Variants in ZNF567 observed in about 807,000 individuals in gnomAD.
ZNF567 encodes the protein zinc finger protein 567.
ZNF567 carries 36 observed loss-of-function variants against 53.9 expected under a neutral mutation model. That is an observed-to-expected ratio of 0.67 (90% CI 0.51 to 0.88). The LOEUF (loss-of-function observed/expected upper bound fraction) is 0.88. ZNF567 is among the 40% of genes least tolerant of loss of function. The probability of loss-of-function intolerance (pLI) is 0.00; values close to 1 mark genes in which losing one functional copy is unlikely to be tolerated. For synonymous variants in ZNF567, 224 were observed against 260.4 expected, an observed-to-expected ratio of 0.86 and a Z score of 1.35; for missense variants, 619 against 764.7, an observed-to-expected ratio of 0.81 and a Z score of 2.25.
the ZNF567 span, among the ~76,000 whole-genome samples, chr19:36,673,290 T>G: frequency 6.6e-6 from 1 of 152,196 alleles, no homozygotes; most frequent in African/African-American, 2.4e-5. Flanking sequence ...GGGTACCAAG[T>G]CGACAAGGGT....
At chr19:36,710,110 G>T (rs571474262) in intron 3 of ZNF567, among the ~76,000 whole-genome samples, 1 of 152,120 alleles carries the variant, frequency 6.6e-6, no homozygotes, top group Non-Finnish European at 1.5e-5. Context: ...ATCTTTGTGA[G>T]TCTGTTCATT....
chr19:36,676,210 C>T, the ZNF567 span, among the ~76,000 whole-genome samples: 1 of 151,318 alleles, frequency 6.6e-6, no homozygotes, highest in African/African-American at 2.4e-5. Context: ...GGATTACAGG[C>T]ACCTGCCACC....
chr19:36,683,220 A>T (rs1197916968), upstream of ZNF567, among the ~76,000 whole-genome samples: 1 of 150,806 alleles, frequency 6.6e-6, no homozygotes, highest in Admixed American at 6.6e-5. Context: ...CTACAGGTGC[A>T]CCACCACACC....
intron 5 of ZNF567, among the ~76,000 whole-genome samples, chr19:36,715,900 T>A (rs890387944): frequency 1.3e-5 from 2 of 152,196 alleles, no homozygotes; most frequent in African/African-American, 4.8e-5. Context: ...TTCTTATGGA[T>A]CTCTTCACAA....
At chr19:36,678,143 G>A in the ZNF567 span, among the ~76,000 whole-genome samples, 2 of 152,182 alleles carry the variant, frequency 1.3e-5, no homozygotes, top group South Asian at 4.1e-4. Context: ...TCAAAGAAGA[G>A]GGAAGCCATT....
At chr19:36,702,636 T>G (rs2145714300) in intron 3 of ZNF567, among the ~76,000 whole-genome samples, 1 of 152,284 alleles carries the variant, frequency 6.6e-6, no homozygotes, top group Non-Finnish European at 1.5e-5. Context: ...TTTTATTCTT[T>G]TTTCTCTAAA....
chr19:36,698,900 T>G (rs1460195899), intron 3 of ZNF567, among the ~76,000 whole-genome samples: 1 of 152,200 alleles, frequency 6.6e-6, no homozygotes. Flanking sequence ...TAGTTTCTTT[T>G]GCTATGCAGA....
At chr19:36,671,521 C>A in the ZNF567 span, among the ~76,000 whole-genome samples, 1 of 152,200 alleles carries the variant, frequency 6.6e-6, no homozygotes, top group African/African-American at 2.4e-5. Context: ...AACTCCCCAA[C>A]AGGACCAGGC....
At chr19:36,679,856 T>G in the ZNF567 span, among the ~76,000 whole-genome samples, 3 of 152,092 alleles carry the variant, frequency 2.0e-5, no homozygotes. Flanking sequence ...AAAGGGGAAA[T>G]GCTGGTTAAC....
downstream of ZNF567, among the ~76,000 whole-genome samples, chr19:36,725,711 T>C (rs1157070983): frequency 6.6e-6 from 1 of 152,276 alleles, no homozygotes; most frequent in Non-Finnish European, 1.5e-5. Flanking sequence ...TGCAGTGGCA[T>C]GATCACAGCT....
intron 3 of ZNF567, among the ~76,000 whole-genome samples, chr19:36,696,445 C>A (rs1451096495): frequency 6.6e-6 from 1 of 152,232 alleles, no homozygotes; most frequent in Admixed American, 6.5e-5. Context: ...TCGCCACCTA[C>A]ATGTTCCGCA....
chr19:36,717,720 G>C (rs969988872), intron 5 of ZNF567, among the ~76,000 whole-genome samples: 1 of 152,134 alleles, frequency 6.6e-6, no homozygotes, highest in Non-Finnish European at 1.5e-5. Flanking sequence ...GTTAGAAATA[G>C]CTATACTTTT....
At chr19:36,723,233 A>G (rs752456271), downstream of ZNF567, 8 of 702,892 alleles carry the variant, frequency 1.1e-5, no homozygotes, top group South Asian at 1.2e-4. Flanking sequence ...GCGTCAACCC[A>G]CCAAAGATTT....
At chr19:36,718,887 T>C (rs2040187472) in intron 5 of ZNF567, 61 bp from the exon 6 acceptor site, 7 of 1,389,702 alleles carry the variant, frequency 5.0e-6, no homozygotes, top group South Asian at 1.5e-5. Flanking sequence ...CCTAGTAAAA[T>C]TTCTTTGCAT....
chr19:36,707,065 A>C (rs1379601231), intron 3 of ZNF567, among the ~76,000 whole-genome samples: 1 of 152,078 alleles, frequency 6.6e-6, no homozygotes, highest in African/African-American at 2.4e-5. Context: ...CTTATCTTTT[A>C]ATTGGAGTTT....
chr19:36,698,961 A>G (rs55965207), intron 3 of ZNF567, among the ~76,000 whole-genome samples: 46,990 of 151,944 alleles, frequency 0.31, 7,650 homozygotes, highest in East Asian at 0.57. Context: ...TTTTGTTGCC[A>G]TTGCTTTTGG....
intron 3 of ZNF567, among the ~76,000 whole-genome samples, chr19:36,695,116 A>T (rs3108563): frequency 0.67 from 101,485 of 151,146 alleles, 34,363 homozygotes; most frequent in East Asian, 0.82. Flanking sequence ...CTCACACCTT[A>T]ACAGCACTTC....
chr19:36,678,497 A>G, the ZNF567 span, among the ~76,000 whole-genome samples: 1 of 152,178 alleles, frequency 6.6e-6, no homozygotes, highest in Admixed American at 6.5e-5. Context: ...CATATATTGG[A>G]TAAGGGGCTA....
rs761311287 is a variant in ZNF567, at chr19:36,712,532, A to G, written c.136+20A>G. On this transcript the variant is annotated intron_variant, in intron 4 of 5. Coordinates refer to ENST00000682579, the MANE Select transcript of ZNF567 (RefSeq NM_001322917.1). ...CTGTGGGTAAGAAAAATCCTCTTTGAAACTTTAGTAGCATGCACTTCCTCT... is the reference window on the plus strand; with the variant it reads ...CTGTGGGTAAGAAAAATCCTCTTTGGAACTTTAGTAGCATGCACTTCCTCT... 1 of 1,614,038 alleles carries G rather than the reference A, an allele frequency of 6.2e-7. No individual in the cohort carries two copies. The highest frequency in any genetic ancestry group is 1.1e-5 in the South Asian group (1 of 91,052).
Sources: gnomAD v4.1 joint callset for allele counts (sites outside exome capture counted in the v4.1 genomes callset) on GRCh38, gnomAD v4.1.1 for gene constraint, MANE v1.5 for transcripts, NCBI Gene and HGNC (gene_info 2026-07-23, HGNC 2026-07-21) for gene names.